Variants in ST6GALNAC3 observed in about 807,000 individuals in gnomAD.
ST6GALNAC3 encodes ST6 N-acetylgalactosaminide alpha-2,6-sialyltransferase 3.
In ST6GALNAC3, 25 loss-of-function variants were observed where a neutral mutation model predicts 32.7. The ratio of observed to expected loss-of-function variants is 0.76; its 90% confidence interval spans 0.56 to 1.07. The LOEUF is 1.07. ST6GALNAC3 is among the 50% of genes least tolerant of loss of function. The pLI is 0.00. For missense variants in ST6GALNAC3, 355 were observed against 382.4 expected (o/e 0.93, Z 0.60); for synonymous variants, 129 against 133.1 (o/e 0.97, Z 0.21).
chr1:76,520,349 A>G (rs1251246536), intron 3 of ST6GALNAC3, among the ~76,000 whole-genome samples: 1 of 152,190 alleles, frequency 6.6e-6, no homozygotes, highest in Non-Finnish European at 1.5e-5. Flanking sequence ...ATAAGTTATC[A>G]GAGGTACTTC....
chr1:76,424,965 C>A (rs756111601), intron 3 of ST6GALNAC3, among the ~76,000 whole-genome samples: 3 of 151,878 alleles, frequency 2.0e-5, no homozygotes, highest in Non-Finnish European at 4.4e-5. Context: ...TGCTTATATT[C>A]GTAGCTGAAA....
chr1:76,406,122 C>T (rs1284436504), intron 2 of ST6GALNAC3, among the ~76,000 whole-genome samples: 1 of 151,968 alleles, frequency 6.6e-6, no homozygotes, highest in Non-Finnish European at 1.5e-5. Flanking sequence ...ATCGTGTGAA[C>T]ATAGTACCCC....
At chr1:76,521,310 C>CGT (rs1557522307) in intron 3 of ST6GALNAC3, among the ~76,000 whole-genome samples, 7 of 151,560 alleles carry the variant, frequency 4.6e-5, no homozygotes, top group South Asian at 2.1e-4. Flanking sequence ...CACACACACA[C>CGT]GCGCGTACAT....
chr1:76,497,213 C>T (rs1361400989), intron 3 of ST6GALNAC3, among the ~76,000 whole-genome samples: 3 of 152,090 alleles, frequency 2.0e-5, no homozygotes, highest in African/African-American at 7.2e-5. Context: ...GAGAAAAAGA[C>T]TCTTGAATCT....
intron 1 of ST6GALNAC3, among the ~76,000 whole-genome samples, chr1:76,172,845 C>CGAATG (rs1652611147): frequency 6.6e-6 from 1 of 152,086 alleles, no homozygotes; most frequent in Non-Finnish European, 1.5e-5. Flanking sequence ...AGGACACAAA[C>CGAATG]GAATGGAAAA....
At chr1:76,611,169 A>G (rs755665739) in intron 3 of ST6GALNAC3, among the ~76,000 whole-genome samples, 3 of 151,666 alleles carry the variant, frequency 2.0e-5, no homozygotes, top group South Asian at 4.2e-4. Context: ...GAACTTTTTA[A>G]CCTCTCCTTA....
rs553107861 is a variant in ST6GALNAC3 at position 76,574,550 on chromosome 1, C to A, written c.624-52902C>A. 3.9e-5 allele frequency among the ~76,000 whole-genome samples: 6 copies of A among 152,140 alleles called. No homozygotes were observed. In the South Asian group the frequency reaches 1.0e-3, roughly 26 times the overall value. The stretch of plus-strand genomic sequence containing the variant: ...TCTCTACTTCCTGAAGCAGCCCATT[C>A]CACCAACCAGTAGCTCCAATTTTCA... On this transcript the variant is annotated intron_variant, in intron 3 of 4. Transcript: ENST00000328299.
At chr1:76,131,812 T>C (rs1357933618) in intron 1 of ST6GALNAC3, among the ~76,000 whole-genome samples, 2 of 152,126 alleles carry the variant, frequency 1.3e-5, no homozygotes, top group Admixed American at 6.5e-5. Context: ...AGGAGGAGTG[T>C]ATTTGGCCCA....
chr1:76,185,229 T>A (rs1313842113), intron 1 of ST6GALNAC3, among the ~76,000 whole-genome samples: 1 of 152,158 alleles, frequency 6.6e-6, no homozygotes, highest in Non-Finnish European at 1.5e-5. Flanking sequence ...GAGATCAGTT[T>A]AAATACTCCT....
chr1:76,579,862 A>G (rs1307318653), intron 3 of ST6GALNAC3, among the ~76,000 whole-genome samples: 1 of 152,098 alleles, frequency 6.6e-6, no homozygotes, highest in Non-Finnish European at 1.5e-5. Flanking sequence ...AATAAAAAGC[A>G]CACTATATGC....
chr1:76,128,066 G>A (rs1460807038), intron 1 of ST6GALNAC3, among the ~76,000 whole-genome samples: 4 of 152,136 alleles, frequency 2.6e-5, no homozygotes, highest in Admixed American at 6.5e-5. Context: ...TTATCAACCT[G>A]TGGAGGATGG....
intron 2 of ST6GALNAC3, among the ~76,000 whole-genome samples, chr1:76,395,718 G>A (rs1239933311): frequency 6.6e-6 from 1 of 152,104 alleles, no homozygotes; most frequent in Non-Finnish European, 1.5e-5. Context: ...AATAAGCCAG[G>A]CATAGAATGA....
intron 1 of ST6GALNAC3, among the ~76,000 whole-genome samples, chr1:76,118,623 A>G (rs1047591288): frequency 6.6e-6 from 1 of 152,236 alleles, no homozygotes; most frequent in Non-Finnish European, 1.5e-5. Context: ...CTTTGGCTGC[A>G]TCAATATGTA....
At chr1:76,381,553 C>T (rs1476731870) in intron 2 of ST6GALNAC3, among the ~76,000 whole-genome samples, 1 of 152,032 alleles carries the variant, frequency 6.6e-6, no homozygotes, top group African/African-American at 2.4e-5. Flanking sequence ...GGCTCACCCT[C>T]CCACCAAGAA....
At chr1:76,243,223 CAT>C (rs1292081049) in intron 1 of ST6GALNAC3, among the ~76,000 whole-genome samples, 3 of 152,086 alleles carry the variant, frequency 2.0e-5, no homozygotes, top group Non-Finnish European at 4.4e-5. Context: ...AGCTTTTTTT[CAT>C]ATGTTTTTGA....
intron 2 of ST6GALNAC3, among the ~76,000 whole-genome samples, chr1:76,333,012 C>T (rs1407213827): frequency 6.6e-6 from 1 of 151,994 alleles, no homozygotes; most frequent in African/African-American, 2.4e-5. Context: ...TAACCATAGG[C>T]CCCTGAAAGG....
At chr1:76,265,127 G>C (rs1658454718) in intron 1 of ST6GALNAC3, among the ~76,000 whole-genome samples, 1 of 152,046 alleles carries the variant, frequency 6.6e-6, no homozygotes, top group African/African-American at 2.4e-5. Flanking sequence ...ATATTTGACG[G>C]TAGTACATAT....
At chr1:76,076,863 G>A (rs1646823196) in intron 1 of ST6GALNAC3, among the ~76,000 whole-genome samples, 1 of 152,150 alleles carries the variant, frequency 6.6e-6, no homozygotes, top group African/African-American at 2.4e-5. Context: ...GCCACACAGG[G>A]TTAATGACAG....
At chr1:76,232,485 G>C (rs568038497) in intron 1 of ST6GALNAC3, among the ~76,000 whole-genome samples, 1 of 152,294 alleles carries the variant, frequency 6.6e-6, no homozygotes, top group South Asian at 2.1e-4. Flanking sequence ...TTCCACTCAG[G>C]TGGGACCAAG....
Sources: gnomAD v4.1 joint callset for allele counts (sites outside exome capture counted in the v4.1 genomes callset) on GRCh38, gnomAD v4.1.1 for gene constraint, MANE v1.5 for transcripts, NCBI Gene and HGNC (gene_info 2026-07-23, HGNC 2026-07-21) for gene names.